Variants in ZNF208 observed in about 807,000 individuals in gnomAD.
The protein encoded by ZNF208 is zinc finger protein 95.
Under a neutral mutation model 12.1 loss-of-function variants are expected in ZNF208, and 10 were observed. The observed-to-expected ratio is 0.83, with a 90% CI of 0.51 to 1.40. The LOEUF (loss-of-function observed/expected upper bound fraction) is 1.40. ZNF208 is among the 40% of genes most tolerant of loss of function. The pLI, the probability that ZNF208 is intolerant of heterozygous loss-of-function variation, is 0.00. For synonymous variants in ZNF208, 497 were observed against 488.4 expected, an observed-to-expected ratio of 1.02 and a Z score of -0.23; for missense variants, 1,652 against 1,485.0, an observed-to-expected ratio of 1.11 and a Z score of -1.85.
chr19:21,973,618 C>G lies in ZNF208; in HGVS notation c.1416G>C (p.Lys472Asn), dbSNP rs1430334400. Residue 472 changes from lysine to asparagine, a missense_variant, in exon 4 of 4, where the codon AAG (lysine) becomes AAC (asparagine). By Grantham distance (94) the Lys-to-Asn change is moderately conservative. Transcript: ENST00000397126. ...AGGGTTTCTCTCCATTATGAATTAC[C>G]TTATGTTTAGTAAGGATTGAGAACA... ...FSMFSILTKH[K>N]VIHNGEKPYK... 6.2e-7 allele frequency: 1 copy of G among 1,610,892 alleles called. No individual in the cohort carries two copies. Among genetic ancestry groups the G allele is most frequent in the Non-Finnish European group, 8.5e-7 (1 of 1,179,434 alleles).
At chr19:22,008,026 C>T (rs1268737425) in intron 1 of ZNF208, among the ~76,000 whole-genome samples, 3 of 125,688 alleles carry the variant, frequency 2.4e-5, no homozygotes, top group South Asian at 2.5e-4. Context: ...AAAAAAGGGC[C>T]GGGCGCGGTG....
At chr19:21,977,321 T>A (rs1970449928) in intron 3 of ZNF208, among the ~76,000 whole-genome samples, 1 of 151,556 alleles carries the variant, frequency 6.6e-6, no homozygotes, top group Admixed American at 6.6e-5. Flanking sequence ...GGTCTACAGC[T>A]CCCAGCGCGA....
At chr19:21,965,809 A>G (rs577298481), downstream of ZNF208, 34 of 152,124 alleles carry the variant, frequency 2.2e-4, no homozygotes, top group Admixed American at 2.0e-4. Context: ...TGAAAAAAAA[A>G]ATGATTAATC....
Position 21,973,865 on chromosome 19 carries a change from A to G in ZNF208, c.1169T>C (p.Ile390Thr). ...WPSTLSYHKK[I>T]HTGEKPYKCE... ...TTTGTAGGGTTTCTCTCCAGTATGAATTTTCTTATGATAACTAAGGGTTGA... is the reference window on the plus strand; with the variant it reads ...TTTGTAGGGTTTCTCTCCAGTATGAGTTTTCTTATGATAACTAAGGGTTGA... Residue 390 changes from isoleucine to threonine, a missense_variant, in exon 4 of 4, where the codon ATT (isoleucine) becomes ACT (threonine). Coordinates refer to ENST00000397126, the MANE Select transcript of ZNF208 (RefSeq NM_007153.3). 1 of 1,613,176 alleles carries G rather than the reference A, an allele frequency of 6.2e-7. No homozygotes were observed. The highest frequency in any genetic ancestry group is 8.5e-7 in the Non-Finnish European group (1 of 1,179,806).
chr19:21,941,488 A>G, intron 4 of ZNF208: 1 of 398,410 alleles, frequency 2.5e-6, no homozygotes, highest in Non-Finnish European at 4.4e-6. Flanking sequence ...TTTCCTGTTT[A>G]TTCCTAAATG....
rs1970268692 is a variant in ZNF208, at chr19:21,971,002, T to G, written c.*189A>C. Among the ~76,000 whole-genome samples, 1 of 152,016 alleles carries G rather than the reference T, an allele frequency of 6.6e-6. No individual in the cohort carries two copies. Among genetic ancestry groups the G allele is most frequent in the Admixed American group, 6.6e-5 (1 of 15,242 alleles). The stretch of plus-strand genomic sequence containing the variant: ...TAAGGATTGAGAACATACTAAAGCC[T>G]TTACCACATTCTTCACATTTGTAGG... On this transcript the variant is annotated 3_prime_UTR_variant, in exon 4 of 4. Coordinates refer to ENST00000397126, the MANE Select transcript of ZNF208 (RefSeq NM_007153.3).
Position 21,972,398 on chromosome 19 carries a change from T to G in ZNF208, c.2636A>C (p.His879Pro), listed in dbSNP as rs770627435. 1.2e-6 allele frequency: 2 copies of G among 1,612,506 alleles called. No homozygotes were observed. Among genetic ancestry groups the G allele is most frequent in the East Asian group, 4.5e-5 (2 of 44,838 alleles). Residue 879 changes from histidine to proline, a missense_variant, in exon 4 of 4, where the codon CAT becomes CCT. By Grantham distance (77) the His-to-Pro change is moderately conservative. Transcript: ENST00000397126. ...AYKWPSTLSY[H>P]KKIHTGEKPY... ...TTTCTCTCCAGTATGAATTTTCTTA[T>G]GATAACTAAGGGTTGAGGGCCATTT...
chr19:21,942,492 G>C (rs192734021), intron 4 of ZNF208, among the ~76,000 whole-genome samples: 10 of 152,174 alleles, frequency 6.6e-5, no homozygotes, highest in Admixed American at 5.9e-4. Context: ...TAATCCCATA[G>C]GTTTATTAAA....
At chr19:21,956,896 C>T (rs186139580) in intron 4 of ZNF208, among the ~76,000 whole-genome samples, 4 of 152,332 alleles carry the variant, frequency 2.6e-5, no homozygotes, top group Admixed American at 6.5e-5. Context: ...ATGCAGAAAT[C>T]ACCCATCATC....
intron 1 of ZNF208, among the ~76,000 whole-genome samples, chr19:22,004,581 C>G (rs1027201883): frequency 3.3e-5 from 5 of 151,964 alleles, no homozygotes; most frequent in African/African-American, 1.2e-4. Flanking sequence ...TGGCCATAAA[C>G]AACAACAACA....
At chr19:21,987,700 T>C (rs1228155000) in intron 2 of ZNF208, among the ~76,000 whole-genome samples, 2 of 152,156 alleles carry the variant, frequency 1.3e-5, no homozygotes, top group Non-Finnish European at 2.9e-5. Context: ...CTCCGGTAAG[T>C]TAAAGAATGA....
At position 22,010,841 on chromosome 19, in the gene ZNF208, A is replaced by T. The variant is rs749103687; in HGVS notation, c.-47T>A. The T allele has an allele frequency of 6.2e-7, 1 of 1,613,316 alleles. No homozygotes were observed. Among genetic ancestry groups the T allele is most frequent in the Non-Finnish European group, 8.5e-7 (1 of 1,179,370 alleles). Reference sequence around the variant, plus strand: ...TGGCGACTTAGTTGTGGATCTCCCAATACCTGCAGGTCATAGGGCCACAGA... The same window carrying T: ...TGGCGACTTAGTTGTGGATCTCCCATTACCTGCAGGTCATAGGGCCACAGA... On this transcript the variant is annotated 5_prime_UTR_variant, in exon 1 of 4. It adds an upstream start codon to the 5' untranslated region. Transcript: ENST00000397126.
At chr19:21,964,358 A>C (rs1970128357), downstream of ZNF208, among the ~76,000 whole-genome samples, 1 of 151,836 alleles carries the variant, frequency 6.6e-6, no homozygotes, top group African/African-American at 2.4e-5. Context: ...TCAAAATAAT[A>C]TAATACTTTG....
intron 3 of ZNF208, among the ~76,000 whole-genome samples, chr19:21,980,583 A>G (rs979886917): frequency 6.6e-6 from 1 of 152,010 alleles, no homozygotes; most frequent in African/African-American, 2.4e-5. Context: ...TCTAGAAAAT[A>G]TATAGCACTA....
At chr19:21,949,999 T>C (rs1004624327) in intron 4 of ZNF208, among the ~76,000 whole-genome samples, 2 of 152,148 alleles carry the variant, frequency 1.3e-5, no homozygotes, top group African/African-American at 4.8e-5. Context: ...TCAGCCACTT[T>C]CTCCCAGAGG....
chr19:21,986,828 T>G (rs1970635604), intron 3 of ZNF208: 3 of 386,564 alleles, frequency 7.8e-6, no homozygotes, highest in African/African-American at 6.2e-5. Flanking sequence ...CAGAAACTAC[T>G]ACTCTCACAC....
At chr19:21,954,604 C>G (rs142861250) in intron 4 of ZNF208, among the ~76,000 whole-genome samples, 6,883 of 152,230 alleles carry the variant, frequency 0.045, 221 homozygotes, top group Middle Eastern at 0.13. Context: ...TTCTTTGTCT[C>G]TTTTGATCTT....
chr19:21,959,929 A>C (rs1970037575), intron 4 of ZNF208, among the ~76,000 whole-genome samples: 1 of 152,188 alleles, frequency 6.6e-6, no homozygotes, highest in East Asian at 1.9e-4. Context: ...TTTTCAAAAA[A>C]ATTTGAGCTC....
At chr19:21,975,823 C>CAAAAAA (rs532995268) in intron 3 of ZNF208, among the ~76,000 whole-genome samples, 1 of 26,430 alleles carries the variant, frequency 3.8e-5, no homozygotes, top group Non-Finnish European at 6.7e-5. Context: ...AGTCAAAGTC[C>CAAAAAA]AAAAAAAAAA....
Sources: gnomAD v4.1 joint callset for allele counts (sites outside exome capture counted in the v4.1 genomes callset) on GRCh38, gnomAD v4.1.1 for gene constraint, MANE v1.5 for transcripts, NCBI Gene and HGNC (gene_info 2026-07-23, HGNC 2026-07-21) for gene names.